AGPAT4: variants seen among roughly 807,000 people sequenced by gnomAD.
The protein encoded by AGPAT4 is 1-acylglycerol-3-phosphate O-acyltransferase 4, also known as 1-acyl-sn-glycerol-3-phosphate acyltransferase delta.
AGPAT4 carries 15 observed loss-of-function variants against 48.0 expected under a neutral mutation model. The ratio of observed to expected loss-of-function variants is 0.31; its 90% CI spans 0.21 to 0.48. AGPAT4 has a LOEUF of 0.48. Among genes scored for constraint, AGPAT4 ranks in the 20% least tolerant of loss-of-function variants. The pLI is 0.99. For missense variants in AGPAT4, 314 were observed against 482.5 expected (o/e 0.65, Z 3.27); for synonymous variants, 178 against 198.7 (o/e 0.90, Z 0.88).
At chr6:161,182,880 G>T (rs549338409) in intron 2 of AGPAT4, among the ~76,000 whole-genome samples, 67 of 152,318 alleles carry the variant, frequency 4.4e-4, no homozygotes, top group African/African-American at 1.5e-3. Context: ...AACCTCAGGA[G>T]TGAACACAGC....
intron 1 of AGPAT4, among the ~76,000 whole-genome samples, chr6:161,258,666 C>T (rs1783008051): frequency 1.3e-5 from 2 of 152,182 alleles, no homozygotes; most frequent in Admixed American, 6.5e-5. Flanking sequence ...CCACCCCACT[C>T]CCCGCAAAAA....
Position 161,136,116 on chromosome 6 carries a change from A to G in AGPAT4, c.*424T>C, listed in dbSNP as rs1474868654. 5.9e-6 allele frequency: 1 copy of G among 169,564 alleles called. No individual in the cohort carries two copies. The highest frequency in any genetic ancestry group is 2.4e-5 in the African/African-American group (1 of 41,764). 10.5% of individuals were successfully genotyped at this position (169,564 alleles called of 1,614,324 possible). On this transcript the variant is annotated 3_prime_UTR_variant, in exon 9 of 9. Transcript: ENST00000320285. ...TTAATTTTTTTTTCTTGGAGGCATA[A>G]TTTAGTCATCTCACCTAAAGCACTT... is the stretch of plus-strand genomic sequence containing the variant.
chr6:161,207,375 G>A lies in AGPAT4; in HGVS notation c.178+24661C>T, dbSNP rs547566769. The stretch of plus-strand genomic sequence containing the variant: ...TGAGAAAACAAAACTCCTGGGTTAC[G>A]TGATCAGTCTCCAGGCTTTTTTGGG... On this transcript the variant is annotated intron_variant, in intron 2 of 8. Transcript: ENST00000320285. Among the ~76,000 whole-genome samples, 14 of 152,294 alleles carry A rather than the reference G, an allele frequency of 9.2e-5. No homozygotes were observed. The South Asian group carries it at 2.9e-3, about 32-fold the overall frequency.
At position 161,144,542 on chromosome 6, in the gene AGPAT4, G is replaced by T. The variant is rs1220712455; in HGVS notation, c.843+1982C>A. 6.6e-6 allele frequency among the ~76,000 whole-genome samples: 1 copy of T among 152,146 alleles called. No individual in the cohort carries two copies. The highest frequency in any genetic ancestry group is 1.5e-5 in the Non-Finnish European group (1 of 68,030). ...ATGACCACACTCTGCCTGAATACAG[G>T]GGAGGAAGGGCCCGTTGAGAAAAAT... On this transcript the variant is annotated intron_variant, in intron 7 of 8. Coordinates refer to ENST00000320285, the MANE Select transcript of AGPAT4 (RefSeq NM_020133.3). The surrounding 1 kb of genome is among the most constrained non-coding windows in gnomAD (Gnocchi z 6.6).
In AGPAT4 at chr6:161,137,199, G is replaced by A. The variant is rs1349592286; in HGVS notation, c.1043-565C>T. 6.6e-6 allele frequency among the ~76,000 whole-genome samples: 1 copy of A among 152,214 alleles called. No individual in the cohort carries two copies. The highest frequency in any genetic ancestry group is 1.5e-5 in the Non-Finnish European group (1 of 68,048). ...CTCGTGGGAGCCCAGTTTAATATAG[G>A]AAGCTGGAAAGCAGGGCCTAATGCT... is the stretch of plus-strand genomic sequence containing the variant. On this transcript the variant is annotated intron_variant, in intron 8 of 8. Transcript: ENST00000320285. The surrounding 1 kb of genome is among the most constrained non-coding windows in gnomAD (Gnocchi z 6.1).
rs555406063 is a variant in AGPAT4 at position 161,188,206 on chromosome 6, G to A, written c.179-21789C>T. 5.9e-5 allele frequency among the ~76,000 whole-genome samples: 9 copies of A among 152,296 alleles called. 1 individual carries two copies. The highest frequency in any genetic ancestry group is 1.9e-4 in the African/African-American group (8 of 41,566). ...GTGGAAGGGACTCTATCCCGGCACT[G>A]TTTTTTAAAAAACATTGTCTTTACA... On this transcript the variant is annotated intron_variant, in intron 2 of 8. Transcript: ENST00000320285.
rs115054289 is a variant in AGPAT4, at chr6:161,142,959, C to T, written c.844-3339G>A. 6.6e-6 allele frequency among the ~76,000 whole-genome samples: 1 copy of T among 152,350 alleles called. No individual in the cohort carries two copies. The highest frequency in any genetic ancestry group is 1.5e-5 in the Non-Finnish European group (1 of 68,036). On this transcript the variant is annotated intron_variant, in intron 7 of 8. Transcript: ENST00000320285. This position sits in a 1 kb window ranked among gnomAD's most constrained non-coding sequence, Gnocchi z 6.4. ...TGGTTCTTGTCCTTGAAGGCCAGAGCAGGAGAGCACAGTGTTTCCCACGGG... is the reference window on the plus strand; with the variant it reads ...TGGTTCTTGTCCTTGAAGGCCAGAGTAGGAGAGCACAGTGTTTCCCACGGG...
In AGPAT4 at chr6:161,166,471, G is replaced by T; in HGVS notation, c.179-54C>A. 6.5e-7 allele frequency: 1 copy of T among 1,533,222 alleles called. No homozygotes were observed. 95.0% of individuals were successfully genotyped at this position (1,533,222 alleles called of 1,614,324 possible). A position where few individuals can be genotyped will look rare whatever the true frequency, so the allele number is the denominator to read the frequency against. The stretch of plus-strand genomic sequence containing the variant: ...TACTACATGCAGCCTTGTCCTGGGA[G>T]CCCTGCTGAGAGCAGGGCTCTGCCC... On this transcript the variant is annotated intron_variant, in intron 2 of 8. Coordinates refer to ENST00000320285, the MANE Select transcript of AGPAT4 (RefSeq NM_020133.3). This position sits in a 1 kb window ranked among gnomAD's most constrained non-coding sequence, Gnocchi z 6.7.
Position 161,259,001 on chromosome 6 carries a change from C to T in AGPAT4, c.-90+14937G>A, listed in dbSNP as rs1263015963. Among the ~76,000 whole-genome samples the T allele has an allele frequency of 6.6e-6, 1 of 151,772 alleles. No individual in the cohort carries two copies. Among genetic ancestry groups the T allele is most frequent in the Non-Finnish European group, 1.5e-5 (1 of 67,958 alleles). On this transcript the variant is annotated intron_variant, in intron 1 of 8. Transcript: ENST00000320285. This position sits in a 1 kb window ranked among gnomAD's most constrained non-coding sequence, Gnocchi z 4.9. Reference sequence around the variant, plus strand: ...TTAGTAGAGACAGGGTTTCATCATACAGGCAAGGCTGGTATCAAACTCCTG... The same window carrying T: ...TTAGTAGAGACAGGGTTTCATCATATAGGCAAGGCTGGTATCAAACTCCTG...
At chr6:161,193,408 C>T (rs1780976678) in intron 2 of AGPAT4, among the ~76,000 whole-genome samples, 1 of 152,190 alleles carries the variant, frequency 6.6e-6, no homozygotes, top group Admixed American at 6.5e-5. Flanking sequence ...CATGCTCAGT[C>T]CAAGACTATC....
Position 161,204,091 on chromosome 6 carries a change from T to C in AGPAT4, c.178+27945A>G, listed in dbSNP as rs1030774602. ...TTAAAAACAATTTCAGACTCTTGAG[T>C]TGACTTTACCTTCTCAAGACTAAAC... On this transcript the variant is annotated intron_variant, in intron 2 of 8. Coordinates refer to ENST00000320285, the MANE Select transcript of AGPAT4 (RefSeq NM_020133.3). The surrounding 1 kb of genome is among the most constrained non-coding windows in gnomAD (Gnocchi z 4.4). Among the ~76,000 whole-genome samples the C allele has an allele frequency of 2.0e-5, 3 of 152,214 alleles. No homozygotes were observed. The highest frequency in any genetic ancestry group is 6.5e-5 in the Admixed American group (1 of 15,278).
In AGPAT4 at chr6:161,208,292, G is replaced by A. The variant is rs899512595; in HGVS notation, c.178+23744C>T. On this transcript the variant is annotated intron_variant, in intron 2 of 8. Coordinates refer to ENST00000320285, the MANE Select transcript of AGPAT4 (RefSeq NM_020133.3). This position sits in a 1 kb window ranked among gnomAD's most constrained non-coding sequence, Gnocchi z 4.6. ...GTATTCAGAGACTCTCTCCAGATGC[G>A]CCCTCTGTGGAACTTCCCTAACAAT... 5.3e-5 allele frequency among the ~76,000 whole-genome samples: 8 copies of A among 152,176 alleles called. No individual in the cohort carries two copies. The highest frequency in any genetic ancestry group is 3.4e-3 in the Middle Eastern group (1 of 294).
chr6:161,203,795 A>T (rs879610719), intron 2 of AGPAT4, among the ~76,000 whole-genome samples: 3 of 152,008 alleles, frequency 2.0e-5, no homozygotes, highest in Non-Finnish European at 4.4e-5. Context: ...CCTCTTGTTG[A>T]GCTATCACCA....
chr6:161,269,331 TACAAA>T (rs1221806258), intron 1 of AGPAT4, among the ~76,000 whole-genome samples: 12 of 152,256 alleles, frequency 7.9e-5, no homozygotes, highest in African/African-American at 2.6e-4. Context: ...GCATGGAAGG[TACAAA>T]AAATATATAA....
chr6:161,221,707 G>C lies in AGPAT4; in HGVS notation c.178+10329C>G, dbSNP rs1437565685. On this transcript the variant is annotated intron_variant, in intron 2 of 8. Transcript: ENST00000320285. This position sits in a 1 kb window ranked among gnomAD's most constrained non-coding sequence, Gnocchi z 4.5. The stretch of plus-strand genomic sequence containing the variant: ...TCAGATCGGGGTGTTAGCAGGGTTG[G>C]TTCCTTCTGAGCATGTGAGGGAGGA... 6.6e-6 allele frequency among the ~76,000 whole-genome samples: 1 copy of C among 152,150 alleles called. No individual in the cohort carries two copies. The highest frequency in any genetic ancestry group is 1.5e-5 in the Non-Finnish European group (1 of 68,012).
intron 1 of AGPAT4, among the ~76,000 whole-genome samples, chr6:161,268,383 C>T (rs1308216522): frequency 6.6e-6 from 1 of 152,152 alleles, no homozygotes; most frequent in Non-Finnish European, 1.5e-5. Context: ...GCAGAATGTG[C>T]AGGTTTGTTA....
At position 161,231,159 on chromosome 6, in the gene AGPAT4, T is replaced by C. The variant is rs1345134162; in HGVS notation, c.178+877A>G. 6.6e-6 allele frequency among the ~76,000 whole-genome samples: 1 copy of C among 152,214 alleles called. No individual in the cohort carries two copies. Among genetic ancestry groups the C allele is most frequent in the Non-Finnish European group, 1.5e-5 (1 of 68,024 alleles). ...TTTTTAAAAAGCACATATTTTGAAATATATTCATACCCACATATATATATC... is the reference window on the plus strand; with the variant it reads ...TTTTTAAAAAGCACATATTTTGAAACATATTCATACCCACATATATATATC... On this transcript the variant is annotated intron_variant, in intron 2 of 8. Coordinates refer to ENST00000320285, the MANE Select transcript of AGPAT4 (RefSeq NM_020133.3). This position sits in a 1 kb window ranked among gnomAD's most constrained non-coding sequence, Gnocchi z 5.3.
rs1017916708 is a variant in AGPAT4 at position 161,178,631 on chromosome 6, C to T, written c.179-12214G>A. ...CAGCTCACACTCGCGTGGGCTGCAC[C>T]CACTGTCCGACAAGCCCCAGTGAGA... On this transcript the variant is annotated intron_variant, in intron 2 of 8. Coordinates refer to ENST00000320285, the MANE Select transcript of AGPAT4 (RefSeq NM_020133.3). The surrounding 1 kb of genome is among the most constrained non-coding windows in gnomAD (Gnocchi z 5.1). Among the ~76,000 whole-genome samples the T allele has an allele frequency of 1.3e-5, 2 of 152,164 alleles. No individual in the cohort carries two copies. The highest frequency in any genetic ancestry group is 4.8e-5 in the African/African-American group (2 of 41,448).
chr6:161,166,269 G>T lies in AGPAT4; in HGVS notation c.327C>A (p.Ser109=). Residue 109 remains serine, a synonymous_variant, in exon 3 of 9, where the codon TCC becomes TCA. Coordinates refer to ENST00000320285, the MANE Select transcript of AGPAT4 (RefSeq NM_020133.3). The surrounding 1 kb of genome is among the most constrained non-coding windows in gnomAD (Gnocchi z 6.7). Reference sequence around the variant, plus strand: ...TTACCCCTAACAGCCCAAAGCGTTCGGACAGGCTCCAGCCACACAGAAAGT... The same window carrying T: ...TTACCCCTAACAGCCCAAAGCGTTCTGACAGGCTCCAGCCACACAGAAAGT... ...EIDFLCGWSL[S]ERFGLLGGSK... 6.2e-7 allele frequency: 1 copy of T among 1,614,082 alleles called. No homozygotes were observed. Among genetic ancestry groups the T allele is most frequent in the Non-Finnish European group, 8.5e-7 (1 of 1,179,990 alleles).
Sources: gnomAD v4.1 joint callset for allele counts (sites outside exome capture counted in the v4.1 genomes callset) on GRCh38, gnomAD v4.1.1 for gene constraint, Gnocchi (gnomAD v3.1) non-coding constraint, MANE v1.5 for transcripts, NCBI Gene and HGNC (gene_info 2026-07-23, HGNC 2026-07-21) for gene names.